ADAM9: variants seen among roughly 807,000 people sequenced by gnomAD.
ADAM9 encodes the protein disintegrin and metalloproteinase domain-containing protein 9.
In ADAM9, 54 loss-of-function variants were observed where a neutral mutation model predicts 108.1. The ratio of observed to expected loss-of-function variants is 0.50; its 90% confidence interval spans 0.40 to 0.63. The LOEUF is 0.63. Ranked by LOEUF, ADAM9 falls within the 20% of genes least tolerant of loss-of-function variation. ADAM9 has a pLI of 0.00. For synonymous variants in ADAM9, 316 were observed against 336.0 expected (o/e 0.94, Z 0.65); for missense variants, 830 against 997.7 (o/e 0.83, Z 2.26).
At chr8:39,031,410 TTATC>T (rs767381657) in intron 11 of ADAM9, among the ~76,000 whole-genome samples, 4 of 152,218 alleles carry the variant, frequency 2.6e-5, no homozygotes, top group East Asian at 1.9e-4. Context: ...CTTGTTCTCT[TTATC>T]TATCTGTCAC....
intron 11 of ADAM9, among the ~76,000 whole-genome samples, chr8:39,037,895 G>C (rs948804396): frequency 6.6e-6 from 1 of 152,106 alleles, no homozygotes; most frequent in Non-Finnish European, 1.5e-5. Flanking sequence ...AAACTCCTGT[G>C]ATCCCTCCTA....
intron 2 of ADAM9, among the ~76,000 whole-genome samples, chr8:39,011,287 G>A (rs906489894): frequency 2.0e-5 from 3 of 152,086 alleles, no homozygotes; most frequent in Non-Finnish European, 4.4e-5. Context: ...AGTAGAACTA[G>A]GTATAATTTC....
chr8:39,079,340 C>CT (rs11371126), intron 16 of ADAM9, among the ~76,000 whole-genome samples: 62,323 of 151,850 alleles, frequency 0.41, 13,553 homozygotes, highest in East Asian at 0.73. Flanking sequence ...CTCCTGGGCT[C>CT]AAGCGATTCT....
chr8:39,090,109 G>T lies in ADAM9; in HGVS notation c.2131G>T (p.Val711Phe). The change falls in exon 19 of 22, where the codon GTC (valine) becomes TTC (phenylalanine). Residue 711 changes from valine to phenylalanine, a missense_variant. Val to Phe is a conservative substitution (Grantham distance 50). Transcript: ENST00000487273. Reference sequence around the variant, plus strand: ...CTTCTTCCTAATTGTTCCCCTTATTGTCTGTGCTATTTTTATCTTCATCAA... The same window carrying T: ...CTTCTTCCTAATTGTTCCCCTTATTTTCTGTGCTATTTTTATCTTCATCAA... ...VFFFLIVPLI[V>F]CAIFIFIKRD... The T allele has an allele frequency of 1.9e-6, 3 of 1,613,768 alleles. No individual in the cohort carries two copies. Among genetic ancestry groups the T allele is most frequent in the South Asian group, 2.2e-5 (2 of 91,070 alleles).
intron 20 of ADAM9, among the ~76,000 whole-genome samples, chr8:39,092,929 G>A: frequency 6.6e-6 from 1 of 152,060 alleles, no homozygotes; most frequent in East Asian, 1.9e-4. Flanking sequence ...TAAAGTTGTG[G>A]ATTTGGGGTT....
chr8:39,067,375 T>G (rs1250815701), intron 14 of ADAM9, among the ~76,000 whole-genome samples: 1 of 152,270 alleles, frequency 6.6e-6, no homozygotes, highest in African/African-American at 2.4e-5. Flanking sequence ...TGATTATTCC[T>G]ATCCATGAGC....
rs138608668 is a variant in ADAM9, at chr8:39,048,567, C to G, written c.1303-5914C>G. 1.1e-3 allele frequency among the ~76,000 whole-genome samples: 160 copies of G among 152,230 alleles called. No homozygotes were observed. The East Asian group carries it at 0.026, about 24-fold the overall frequency. ...TTCTGCCACTGTTGGGTAGAATGTT[C>G]TGTATATGTCTATTAGTTTGATTTG... On this transcript the variant is annotated intron_variant, in intron 12 of 21. Coordinates refer to ENST00000487273, the MANE Select transcript of ADAM9 (RefSeq NM_003816.3).
intron 14 of ADAM9, among the ~76,000 whole-genome samples, chr8:39,063,144 C>A (rs1838350171): frequency 6.6e-6 from 1 of 152,232 alleles, no homozygotes; most frequent in South Asian, 2.1e-4. Flanking sequence ...CATTCCCACA[C>A]ATGTTCCCTG....
At chr8:39,066,907 C>A (rs2129440708) in intron 14 of ADAM9, among the ~76,000 whole-genome samples, 3 of 152,316 alleles carry the variant, frequency 2.0e-5, no homozygotes, top group Admixed American at 2.0e-4. Flanking sequence ...AGTCTTTAAT[C>A]CATCTTGAAT....
Position 39,016,131 on chromosome 8 carries a change from A to G in ADAM9, c.347A>G (p.Tyr116Cys). The G allele has an allele frequency of 6.2e-7, 1 of 1,613,734 alleles. No individual in the cohort carries two copies. The highest frequency in any genetic ancestry group is 8.5e-7 in the Non-Finnish European group (1 of 1,179,686). ...TTTTTCATTTAGAATCATTGTCATT[A>G]TCGGGGCTATGTGGAGGGAGTTCAT... Reference protein sequence around the residue: ...DHPNIQNHCHYRGYVEGVHNS... With the variant: ...DHPNIQNHCHCRGYVEGVHNS... Residue 116 changes from tyrosine (Y) to cysteine (C), a missense_variant, in exon 5 of 22, where the codon TAT (tyrosine) becomes TGT (cysteine). Transcript: ENST00000487273.
In ADAM9 at chr8:39,025,899, A is replaced by T. The variant is rs1349041507; in HGVS notation, c.996+15A>T. ...GGATTAATGTGGTACGTTGTTCTTG[A>T]TGTTTAACTTTGGATGTTTGCACTG... On this transcript the variant is annotated intron_variant, in intron 10 of 21. Transcript: ENST00000487273. The T allele has an allele frequency of 1.4e-5, 22 of 1,612,380 alleles. No homozygotes were observed. The highest frequency in any genetic ancestry group is 2.2e-5 in the East Asian group (1 of 44,892).
chr8:39,097,609 G>A (rs527331167), intron 20 of ADAM9, among the ~76,000 whole-genome samples: 1 of 151,996 alleles, frequency 6.6e-6, no homozygotes, highest in Non-Finnish European at 1.5e-5. Context: ...TTGGCCTGTT[G>A]TCTAGTATTT....
chr8:39,014,306 G>T, intron 4 of ADAM9: 1 of 554,104 alleles, frequency 1.8e-6, no homozygotes, highest in South Asian at 2.7e-5. Context: ...AATCCTTACT[G>T]ATGAGAAAAT....
Position 39,103,902 on chromosome 8 carries a change from T to C in ADAM9, c.*202T>C, listed in dbSNP as rs1194608562. The C allele has an allele frequency of 1.4e-6, 1 of 695,168 alleles. No homozygotes were observed. The highest frequency in any genetic ancestry group is 2.6e-6 in the Non-Finnish European group (1 of 382,920). 43.1% of individuals were successfully genotyped at this position (695,168 alleles called of 1,614,324 possible). ...AGGAAATGCAGTAAAGCCAGGGAAT[T>C]TACAATAACATTTCCGTTTCCATCA... On this transcript the variant is annotated 3_prime_UTR_variant, in exon 22 of 22. Coordinates refer to ENST00000487273, the MANE Select transcript of ADAM9 (RefSeq NM_003816.3).
chr8:39,089,349 G>A (rs564669100), intron 18 of ADAM9, among the ~76,000 whole-genome samples: 12 of 152,132 alleles, frequency 7.9e-5, no homozygotes, highest in African/African-American at 1.2e-4. Flanking sequence ...GCAAAAATCC[G>A]GAAATTTGGC....
intron 1 of ADAM9, among the ~76,000 whole-genome samples, chr8:39,006,138 C>G (rs991848110): frequency 2.0e-5 from 3 of 152,126 alleles, no homozygotes; most frequent in Non-Finnish European, 4.4e-5. Flanking sequence ...GGGCTTTTAT[C>G]GGTTCTATAA....
At chr8:39,088,922 G>C (rs1199971924) in intron 18 of ADAM9, among the ~76,000 whole-genome samples, 1 of 152,142 alleles carries the variant, frequency 6.6e-6, no homozygotes, top group African/African-American at 2.4e-5. Flanking sequence ...ACAGTCAAAG[G>C]ACTGAGCAGA....
At chr8:39,048,122 T>C (rs1169455694) in intron 12 of ADAM9, among the ~76,000 whole-genome samples, 8 of 152,172 alleles carry the variant, frequency 5.3e-5, no homozygotes, top group African/African-American at 1.7e-4. Context: ...GGTTTCGCCA[T>C]GTTGGCCAGG....
chr8:39,009,303 G>T (rs780004459), intron 2 of ADAM9, among the ~76,000 whole-genome samples: 2 of 152,286 alleles, frequency 1.3e-5, no homozygotes, highest in African/African-American at 2.4e-5. Context: ...GTTTGGGTGC[G>T]ATCTTGGCTC....
Sources: allele counts gnomAD v4.1 joint callset (sites outside exome capture counted in the v4.1 genomes callset), GRCh38; gene constraint gnomAD v4.1.1; transcripts MANE v1.5; gene names NCBI Gene and HGNC (gene_info 2026-07-23, HGNC 2026-07-21).